The following PTPRD variants were observed in gnomAD, a reference collection of about 807,000 sequenced individuals.
PTPRD encodes protein tyrosine phosphatase receptor type D, also known as receptor-type tyrosine-protein phosphatase delta.
A neutral mutation model predicts 214.5 loss-of-function variants in PTPRD; 34 were observed. The ratio of observed to expected loss-of-function variants is 0.16; its 90% CI spans 0.12 to 0.21. PTPRD has a LOEUF of 0.21. Ranked by LOEUF, PTPRD falls within the 10% of genes least tolerant of loss-of-function variation. The pLI, the probability that PTPRD is intolerant of heterozygous loss-of-function variation, is 1.00. For synonymous variants in PTPRD, 1,128 were observed against 845.7 expected (o/e 1.33, Z -5.79); for missense variants, 2,545 against 2,398.7 (o/e 1.06, Z -1.27).
rs73644725 is a variant in PTPRD at position 9,444,572 on chromosome 9, T to A, written c.-236-47090A>T. On this transcript the variant is annotated intron_variant, in intron 8 of 45. Coordinates refer to ENST00000381196, the MANE Select transcript of PTPRD (RefSeq NM_002839.4). The stretch of plus-strand genomic sequence containing the variant: ...AACACAGATGTTTTTATGGATATGA[T>A]AACATTTTAGAATTAAGGTATAGGA... 2.1e-3 allele frequency among the ~76,000 whole-genome samples: 319 copies of A among 152,300 alleles called. 2 individuals are homozygous for A. Among genetic ancestry groups the A allele is most frequent in the African/African-American group, 7.2e-3 (299 of 41,572 alleles).
intron 3 of PTPRD, among the ~76,000 whole-genome samples, chr9:10,186,718 T>A (rs2099332003): frequency 6.6e-6 from 1 of 152,140 alleles, no homozygotes; most frequent in Non-Finnish European, 1.5e-5. Context: ...AATGGCATTC[T>A]CAAATGTATA....
chr9:9,174,359 A>G (rs1306923703), intron 10 of PTPRD, among the ~76,000 whole-genome samples: 1 of 152,200 alleles, frequency 6.6e-6, no homozygotes, highest in Non-Finnish European at 1.5e-5. Context: ...CCCATTTAAG[A>G]GACAGAAATC....
intron 10 of PTPRD, among the ~76,000 whole-genome samples, chr9:9,109,510 A>G (rs1591766264): frequency 6.6e-6 from 1 of 152,234 alleles, no homozygotes; most frequent in Non-Finnish European, 1.5e-5. Context: ...AAGAAAATGT[A>G]CCCAAAGCAT....
At chr9:9,407,192 T>C (rs1250827187) in intron 8 of PTPRD, among the ~76,000 whole-genome samples, 6 of 151,788 alleles carry the variant, frequency 4.0e-5, no homozygotes, top group African/African-American at 9.7e-5. Flanking sequence ...CCTAAAAGCA[T>C]GTCTGTTTTT....
chr9:9,285,194 T>A (rs1396478821), intron 9 of PTPRD, among the ~76,000 whole-genome samples: 1 of 151,786 alleles, frequency 6.6e-6, no homozygotes, highest in Non-Finnish European at 1.5e-5. Flanking sequence ...TTTTCTCTCT[T>A]CCTCTATATG....
chr9:10,466,563 C>T (rs1368019069), intron 2 of PTPRD, among the ~76,000 whole-genome samples: 3 of 128,766 alleles, frequency 2.3e-5, no homozygotes, highest in Admixed American at 9.7e-5. Context: ...GCAGAGGTTG[C>T]GGTGAGCCAA....
At chr9:8,341,042 CATGTAA>C in intron 41 of PTPRD, 42 bp downstream of exon 41, 1 of 1,493,448 alleles carries the variant, frequency 6.7e-7, no homozygotes, top group Non-Finnish European at 9.0e-7. Context: ...AACTAGGGCA[CATGTAA>C]ATATCAAGGC....
chr9:9,098,668 A>G (rs1219302907), intron 10 of PTPRD, among the ~76,000 whole-genome samples: 1 of 152,220 alleles, frequency 6.6e-6, no homozygotes, highest in Non-Finnish European at 1.5e-5. Context: ...TTTATCATGT[A>G]CCCATCGACT....
chr9:9,501,625 G>C (rs1003480074), intron 8 of PTPRD, among the ~76,000 whole-genome samples: 1 of 151,788 alleles, frequency 6.6e-6, no homozygotes, highest in Non-Finnish European at 1.5e-5. Flanking sequence ...TTCCAAGTGC[G>C]TATGAAATAT....
intron 8 of PTPRD, among the ~76,000 whole-genome samples, chr9:9,440,382 C>T (rs1569568347): frequency 6.6e-6 from 1 of 151,986 alleles, no homozygotes; most frequent in African/African-American, 2.4e-5. Context: ...TTTCATCTAT[C>T]AAATTGTTAA....
At chr9:9,084,282 C>G (rs2099763679) in intron 10 of PTPRD, among the ~76,000 whole-genome samples, 1 of 152,102 alleles carries the variant, frequency 6.6e-6, no homozygotes, top group South Asian at 2.1e-4. Flanking sequence ...AACCATCATT[C>G]TCAGCAAACT....
intron 12 of PTPRD, among the ~76,000 whole-genome samples, chr9:8,703,825 C>G (rs1261846468): frequency 6.6e-6 from 1 of 152,090 alleles, no homozygotes; most frequent in Non-Finnish European, 1.5e-5. Flanking sequence ...TTTGGCATCT[C>G]CAGAAGGTTA....
chr9:10,280,044 C>T (rs1564986590), intron 3 of PTPRD, among the ~76,000 whole-genome samples: 1 of 152,080 alleles, frequency 6.6e-6, no homozygotes, highest in Admixed American at 6.6e-5. Context: ...ACATTCTGTA[C>T]TTAATATAAT....
intron 8 of PTPRD, among the ~76,000 whole-genome samples, chr9:9,434,048 C>T (rs1168463820): frequency 1.3e-5 from 2 of 152,152 alleles, no homozygotes; most frequent in African/African-American, 2.4e-5. Flanking sequence ...TATCGCTTTA[C>T]AGAGGACATT....
intron 30 of PTPRD, among the ~76,000 whole-genome samples, chr9:8,473,430 G>C (rs2096698736): frequency 6.6e-6 from 1 of 152,122 alleles, no homozygotes; most frequent in South Asian, 2.1e-4. Context: ...GCATGGAGGA[G>C]AATGACAGAG....
At chr9:8,592,930 G>C (rs547236830) in intron 14 of PTPRD, among the ~76,000 whole-genome samples, 6 of 152,296 alleles carry the variant, frequency 3.9e-5, no homozygotes, top group Admixed American at 2.6e-4. Flanking sequence ...AATCAAGAAG[G>C]ACAATATAAA....
intron 35 of PTPRD, among the ~76,000 whole-genome samples, chr9:8,432,539 T>G (rs1330013536): frequency 6.6e-6 from 1 of 152,222 alleles, no homozygotes; most frequent in Non-Finnish European, 1.5e-5. Flanking sequence ...TCGTGCATCT[T>G]ACAAGTTCTG....
chr9:9,019,892 C>CT (rs2099556695), intron 10 of PTPRD, among the ~76,000 whole-genome samples: 1 of 150,708 alleles, frequency 6.6e-6, no homozygotes, highest in Non-Finnish European at 1.5e-5. Flanking sequence ...CTTTTTTTTT[C>CT]TTTTTGGAAG....
At chr9:9,739,387 TTAAA>T (rs1444565501) in intron 6 of PTPRD, among the ~76,000 whole-genome samples, 24 of 152,322 alleles carry the variant, frequency 1.6e-4, no homozygotes, top group Non-Finnish European at 2.1e-4. Context: ...TGTCCATTAC[TTAAA>T]TAGTTACATA....
Sources: gnomAD v4.1 joint callset for allele counts (sites outside exome capture counted in the v4.1 genomes callset) on GRCh38, gnomAD v4.1.1 for gene constraint, MANE v1.5 for transcripts, NCBI Gene and HGNC (gene_info 2026-07-23, HGNC 2026-07-21) for gene names.